Variants in CCNK observed in about 807,000 individuals in gnomAD.
CCNK encodes cyclin K, also known as cyclin-K.
A neutral mutation model predicts 65.0 loss-of-function variants in CCNK; 9 were observed. The observed-to-expected ratio is 0.14, with a 90% CI of 0.08 to 0.24. The LOEUF is 0.24. Ranked by LOEUF, CCNK falls within the 10% of genes least tolerant of loss-of-function variation. CCNK has a pLI of 1.00. For missense variants in CCNK, 474 were observed against 720.0 expected (o/e 0.66, Z 3.91); for synonymous variants, 279 against 270.8 (o/e 1.03, Z -0.30).
chr14:99,498,000 G>C (rs143778297), intron 4 of CCNK, among the ~76,000 whole-genome samples: 1 of 152,172 alleles, frequency 6.6e-6, no homozygotes, highest in African/African-American at 2.4e-5. Flanking sequence ...GTGTCCTAAC[G>C]TGATAAGTCT....
At chr14:99,482,027 C>A (rs778892376) in intron 1 of CCNK, among the ~76,000 whole-genome samples, 6 of 152,120 alleles carry the variant, frequency 3.9e-5, no homozygotes, top group Non-Finnish European at 7.3e-5. Flanking sequence ...GGACCCGCTC[C>A]TGGTGGTTGA....
intron 10 of CCNK, 37 bp from the exon 11 acceptor site, chr14:99,510,120 G>C: frequency 6.4e-7 from 1 of 1,563,452 alleles, no homozygotes; most frequent in East Asian, 2.3e-5. Context: ...AACCATTGCT[G>C]GCGGAGGCCG....
chr14:99,493,955 C>T (rs1017792266), intron 3 of CCNK: 7 of 175,046 alleles, frequency 4.0e-5, no homozygotes, highest in Non-Finnish European at 8.5e-5. Flanking sequence ...GGTTACTCCT[C>T]AAGACGTGCA....
At chr14:99,509,828 C>T (rs368365948) in intron 10 of CCNK, 19 of 394,012 alleles carry the variant, frequency 4.8e-5, no homozygotes, top group African/African-American at 3.7e-4. Context: ...CAGAGGAGCC[C>T]CCACACGTTT....
chr14:99,493,183 C>T (rs890427466), intron 2 of CCNK: 12 of 428,364 alleles, frequency 2.8e-5, no homozygotes, highest in African/African-American at 2.0e-4. Flanking sequence ...CAGGAGCATC[C>T]CTTGAAATCT....
intron 6 of CCNK, 140 bp downstream of exon 6, chr14:99,501,553 G>A (rs539807872): frequency 7.6e-5 from 47 of 622,456 alleles, no homozygotes; most frequent in African/African-American, 6.5e-4. Context: ...TGGCAAAGCT[G>A]GGGCTGACGT....
At chr14:99,485,117 A>T (rs1385902928) in intron 1 of CCNK, among the ~76,000 whole-genome samples, 1 of 152,194 alleles carries the variant, frequency 6.6e-6, no homozygotes, top group Non-Finnish European at 1.5e-5. Context: ...GATTTTGAGG[A>T]CTGTCTCTAT....
At position 99,492,651 on chromosome 14, in the gene CCNK, T is replaced by G; in HGVS notation, c.-27T>G. On this transcript the variant is annotated 5_prime_UTR_variant, in exon 2 of 11. Transcript: ENST00000389879. ...GATTCTAACATTTTCAGAGAACCTTTTGGAAAGAACAAGCCTACTTCAATA... is the reference window on the plus strand; with the variant it reads ...GATTCTAACATTTTCAGAGAACCTTGTGGAAAGAACAAGCCTACTTCAATA... The G allele has an allele frequency of 6.4e-7, 1 of 1,570,876 alleles. No homozygotes were observed. The highest frequency in any genetic ancestry group is 8.6e-7 in the Non-Finnish European group (1 of 1,164,252).
chr14:99,488,166 A>G (rs1896530834), intron 1 of CCNK, among the ~76,000 whole-genome samples: 1 of 152,142 alleles, frequency 6.6e-6, no homozygotes, highest in South Asian at 2.1e-4. Context: ...TGTAATCACA[A>G]TATCATTATT....
rs1178865808 is a variant in CCNK, at chr14:99,510,521, C to T, written c.1482C>T (p.Phe494=). The part of the protein sequence containing the change: ...PPPVPPPPAS[F]PPPAIPPPTP... ...CTGTGCCTCCTCCCCCAGCCTCCTT[C>T]CCCCCACCTGCCATCCCACCCCCTA... is the stretch of plus-strand genomic sequence containing the variant. Residue 494 remains phenylalanine (F), a synonymous_variant, in exon 11 of 11, where the codon TTC becomes TTT. Transcript: ENST00000389879. The T allele has an allele frequency of 3.5e-5, 20 of 566,056 alleles. No individual in the cohort carries two copies. In the African/African-American group the frequency reaches 4.5e-4, roughly 13 times the overall value. 35.1% of individuals were successfully genotyped at this position (566,056 alleles called of 1,614,324 possible). A position where few individuals can be genotyped will look rare whatever the true frequency, so the allele number is the denominator to read the frequency against.
intron 5 of CCNK, 88 bp from the exon 6 acceptor site, chr14:99,501,268 G>T (rs1206084198): frequency 5.9e-6 from 5 of 849,810 alleles, no homozygotes; most frequent in Non-Finnish European, 1.0e-5. Context: ...GAGTGGTGCT[G>T]AACACGTGGT....
intron 10 of CCNK, chr14:99,509,623 CCT>C (rs1239250994): frequency 6.2e-6 from 1 of 162,298 alleles, no homozygotes; most frequent in East Asian, 1.9e-4. Context: ...TTTGATGTAG[CCT>C]CTCTTGAGTA....
At chr14:99,500,906 C>A in intron 5 of CCNK, 35 bp downstream of exon 5, 1 of 1,272,278 alleles carries the variant, frequency 7.9e-7, no homozygotes, top group Non-Finnish European at 1.1e-6. Flanking sequence ...TTTTTTCATT[C>A]TGAAATCAAG....
chr14:99,485,142 T>C (rs1236644964), intron 1 of CCNK, among the ~76,000 whole-genome samples: 1 of 152,266 alleles, frequency 6.6e-6, no homozygotes, highest in Non-Finnish European at 1.5e-5. Flanking sequence ...TTTATGTCCA[T>C]AATATTTTCA....
At chr14:99,484,376 G>T (rs1233598516) in intron 1 of CCNK, among the ~76,000 whole-genome samples, 1 of 152,148 alleles carries the variant, frequency 6.6e-6, no homozygotes, top group African/African-American at 2.4e-5. Flanking sequence ...CATGTGCTAT[G>T]CACATCATAT....
At chr14:99,507,323 T>A in intron 10 of CCNK, 176 bp downstream of exon 10, 1 of 613,764 alleles carries the variant, frequency 1.6e-6, no homozygotes, top group Non-Finnish European at 2.9e-6. Flanking sequence ...GTGTTTTTGA[T>A]CCCAGCACTT....
chr14:99,496,799 T>A lies in CCNK; in HGVS notation c.411+1170T>A, dbSNP rs185171260. Among the ~76,000 whole-genome samples the A allele has an allele frequency of 2.3e-3, 347 of 149,240 alleles. 1 individual carries two copies. The highest frequency in any genetic ancestry group is 8.3e-3 in the African/African-American group (335 of 40,554). ...ATGGTGGCACGCACCTGTAGTCCCA[T>A]CTACTTGGGAGGCTGAGGCAGGAGA... On this transcript the variant is annotated intron_variant, in intron 4 of 10. Transcript: ENST00000389879.
rs760397544 is a variant in CCNK at position 99,501,433 on chromosome 14, G to T, written c.575+20G>T. 1.1e-5 allele frequency: 16 copies of T among 1,479,746 alleles called. No homozygotes were observed. In the Middle Eastern group the frequency reaches 2.5e-3, roughly 230 times the overall value. The allele number at this position is 1,479,746 out of a possible 1,614,324, so 91.7% of individuals were successfully genotyped here. On this transcript the variant is annotated intron_variant, in intron 6 of 10. Coordinates refer to ENST00000389879, the MANE Select transcript of CCNK (RefSeq NM_001099402.2). ...TGACAGGTATACATGTTCAAATGTT[G>T]ATTAATTACAGTATTTTAAAATAGG...
intron 10 of CCNK, chr14:99,507,482 T>C (rs956901035): frequency 1.4e-5 from 4 of 280,680 alleles, no homozygotes; most frequent in African/African-American, 6.5e-5. Context: ...GGAAGATCAT[T>C]TGAGCCCTGG....
Sources: allele counts gnomAD v4.1 joint callset (sites outside exome capture counted in the v4.1 genomes callset), GRCh38; gene constraint gnomAD v4.1.1; transcripts MANE v1.5; gene names NCBI Gene and HGNC (gene_info 2026-07-23, HGNC 2026-07-21).